The following GRIP1 variants were observed in gnomAD, a reference collection of about 807,000 sequenced individuals.
GRIP1 encodes the protein glutamate receptor-interacting protein 1.
GRIP1 carries 45 observed loss-of-function variants against 129.9 expected under a neutral mutation model. The ratio of observed to expected loss-of-function variants is 0.35; its 90% CI spans 0.27 to 0.44. GRIP1 has a LOEUF of 0.44. GRIP1 is among the 20% of genes least tolerant of loss of function. The pLI is 1.00. For missense variants in GRIP1, 1,196 were observed against 1,396.8 expected (o/e 0.86, Z 2.29); for synonymous variants, 530 against 520.8 (o/e 1.02, Z -0.24).
intron 1 of GRIP1, chr12:66,630,312 C>G (rs901822540): frequency 6.6e-6 from 1 of 152,084 alleles, no homozygotes; most frequent in African/African-American, 2.4e-5. Context: ...CCACCACACT[C>G]CAGCCCGGGC....
chr12:66,729,810 G>A (rs1047643415), intron 1 of GRIP1, among the ~76,000 whole-genome samples: 68 of 152,004 alleles, frequency 4.5e-4, no homozygotes, highest in Admixed American at 2.9e-3. Flanking sequence ...TCCTGACCTC[G>A]TAATCCACCC....
At chr12:66,815,854 T>TTCTTTCTTTCTTTCTTTCTCTCTCTC (rs1555241802) in intron 1 of GRIP1, among the ~76,000 whole-genome samples, 16 of 116,822 alleles carry the variant, frequency 1.4e-4, no homozygotes, top group South Asian at 9.9e-4. Context: ...CTTTCTTTCT[T>TTCTTTCTTTCTTTCTTTCTCTCTCTC]TCTCTCTCTC....
At chr12:66,538,069 G>C (rs1482207742) in intron 4 of GRIP1, among the ~76,000 whole-genome samples, 1 of 152,178 alleles carries the variant, frequency 6.6e-6, no homozygotes, top group Non-Finnish European at 1.5e-5. Flanking sequence ...GTTAGGAGTA[G>C]TGTGATGATA....
chr12:66,456,020 A>G (rs141458831), intron 10 of GRIP1, among the ~76,000 whole-genome samples, 167 bp downstream of exon 10: 91 of 152,310 alleles, frequency 6.0e-4, no homozygotes, highest in African/African-American at 2.1e-3. Flanking sequence ...CTAACAACAA[A>G]TGCTTTCTGA....
chr12:66,497,092 T>C (rs186884289), intron 7 of GRIP1, among the ~76,000 whole-genome samples: 9 of 152,294 alleles, frequency 5.9e-5, no homozygotes, highest in Admixed American at 1.3e-4. Context: ...ATTTAACACT[T>C]TTTTGGTGTG....
chr12:66,781,311 G>C (rs1054829546), intron 1 of GRIP1, among the ~76,000 whole-genome samples: 2 of 152,128 alleles, frequency 1.3e-5, no homozygotes, highest in African/African-American at 4.8e-5. Flanking sequence ...AACTGTGCCA[G>C]GGGAAGTCTG....
intron 2 of GRIP1, among the ~76,000 whole-genome samples, chr12:66,589,641 T>TA (rs1378858166): frequency 6.6e-6 from 1 of 152,136 alleles, no homozygotes; most frequent in Non-Finnish European, 1.5e-5. Flanking sequence ...GATTAGCATA[T>TA]AAAATTACAG....
intron 1 of GRIP1, among the ~76,000 whole-genome samples, chr12:66,724,210 C>T (rs1349393313): frequency 6.6e-6 from 1 of 152,160 alleles, no homozygotes; most frequent in Non-Finnish European, 1.5e-5. Flanking sequence ...CATATCTGAA[C>T]AGGGCTGGCA....
At chr12:66,958,745 T>G (rs1010494995) in intron 1 of GRIP1, among the ~76,000 whole-genome samples, 2 of 152,350 alleles carry the variant, frequency 1.3e-5, no homozygotes, top group African/African-American at 4.8e-5. Flanking sequence ...TATTTAGGTA[T>G]TATAAACAAT....
chr12:66,545,340 T>C (rs1440218192), intron 2 of GRIP1, among the ~76,000 whole-genome samples: 1 of 152,188 alleles, frequency 6.6e-6, no homozygotes, highest in East Asian at 1.9e-4. Context: ...GTAACAGTGA[T>C]GGTTGGCAAA....
At chr12:66,711,182 G>A (rs1039328806) in intron 1 of GRIP1, among the ~76,000 whole-genome samples, 5 of 151,752 alleles carry the variant, frequency 3.3e-5, no homozygotes, top group African/African-American at 1.2e-4. Flanking sequence ...TTTTCAAAAT[G>A]TTTGGTTAAA....
At chr12:66,549,016 A>G (rs913021667) in intron 2 of GRIP1, among the ~76,000 whole-genome samples, 2 of 152,340 alleles carry the variant, frequency 1.3e-5, no homozygotes, top group Non-Finnish European at 2.9e-5. Flanking sequence ...TTGAAGTACT[A>G]TTAACTGCAG....
rs1292932847 is a variant in GRIP1, at chr12:66,512,811, G to C, written c.724+2808C>G. On this transcript the variant is annotated intron_variant, in intron 7 of 24. Coordinates refer to ENST00000359742, the MANE Select transcript of GRIP1 (RefSeq NM_001366722.1). ...ATAATATTCAATATTGACAAACCCT[G>C]ATGAGATGTACACTTAAAGCATTGC... Among the ~76,000 whole-genome samples the C allele has an allele frequency of 2.6e-5, 4 of 151,932 alleles. No individual in the cohort carries two copies. The East Asian group carries it at 7.7e-4, about 29-fold the overall frequency.
intron 4 of GRIP1, among the ~76,000 whole-genome samples, chr12:66,535,818 C>T (rs187311485): frequency 1.2e-3 from 186 of 152,274 alleles, no homozygotes; most frequent in Non-Finnish European, 2.2e-3. Context: ...CCCCAAGCTT[C>T]GAACACCATC....
At chr12:66,628,080 C>T (rs1023452018) in intron 1 of GRIP1, among the ~76,000 whole-genome samples, 1 of 152,174 alleles carries the variant, frequency 6.6e-6, no homozygotes, top group Non-Finnish European at 1.5e-5. Flanking sequence ...GAGGAGAAAT[C>T]CCCCAACTCT....
intron 1 of GRIP1, among the ~76,000 whole-genome samples, chr12:66,958,092 C>T (rs2041869235): frequency 6.6e-6 from 1 of 152,108 alleles, no homozygotes; most frequent in Admixed American, 6.6e-5. Context: ...GGGAGCTCTT[C>T]AGTTGGTTCT....
chr12:66,525,087 ATTCTACCAAAGC>A (rs2061175167), intron 5 of GRIP1, among the ~76,000 whole-genome samples: 1 of 152,224 alleles, frequency 6.6e-6, no homozygotes, highest in Admixed American at 6.5e-5. Flanking sequence ...TCACAGCCGA[ATTCTACCAAAGC>A]TACAAGGAGG....
chr12:66,829,890 G>C (rs1312414580), intron 1 of GRIP1, among the ~76,000 whole-genome samples: 1 of 152,150 alleles, frequency 6.6e-6, no homozygotes, highest in Non-Finnish European at 1.5e-5. Context: ...TTGTGAGGTA[G>C]AGCTCACTGT....
intron 14 of GRIP1, among the ~76,000 whole-genome samples, chr12:66,430,317 G>A (rs1198995026): frequency 6.6e-6 from 1 of 152,202 alleles, no homozygotes; most frequent in African/African-American, 2.4e-5. Context: ...TTGTGCAAAT[G>A]GAGCTGTAGC....
Sources: gnomAD v4.1 joint callset for allele counts (sites outside exome capture counted in the v4.1 genomes callset) on GRCh38, gnomAD v4.1.1 for gene constraint, MANE v1.5 for transcripts, NCBI Gene and HGNC (gene_info 2026-07-23, HGNC 2026-07-21) for gene names.